The following TRPC3 variants were observed in gnomAD, a reference collection of about 807,000 sequenced individuals.
The protein encoded by TRPC3 is transient receptor potential cation channel subfamily C member 3.
TRPC3 carries 54 observed loss-of-function variants against 90.9 expected under a neutral mutation model. The observed-to-expected ratio is 0.59, with a 90% CI of 0.48 to 0.75. TRPC3 has a LOEUF of 0.75. Among genes scored for constraint, TRPC3 ranks in the 30% least tolerant of loss-of-function variants. The pLI, the probability that TRPC3 is intolerant of heterozygous loss-of-function variation, is 0.00. For missense variants in TRPC3, 918 were observed against 1,194.5 expected (o/e 0.77, Z 3.41); for synonymous variants, 424 against 450.9 (o/e 0.94, Z 0.75).
chr4:121,909,094 T>C (rs1174023508), intron 6 of TRPC3, among the ~76,000 whole-genome samples: 1 of 152,084 alleles, frequency 6.6e-6, no homozygotes, highest in Non-Finnish European at 1.5e-5. Context: ...AATAAATAGG[T>C]TATGAAATGG....
intron 2 of TRPC3, among the ~76,000 whole-genome samples, chr4:121,930,612 C>T (rs1309662109): frequency 6.6e-6 from 1 of 152,004 alleles, no homozygotes. Context: ...AGAAAATATT[C>T]CCTTTTATAG....
Position 121,878,644 on chromosome 4 carries a change from T to C in TRPC3, c.*1092A>G, listed in dbSNP as rs550627620. Among the ~76,000 whole-genome samples, 5 of 152,332 alleles carry C rather than the reference T, an allele frequency of 3.3e-5. No homozygotes were observed. The South Asian group carries it at 1.0e-3, about 32-fold the overall frequency. ...TTATGTAATAAGGCATATGTAGATA[T>C]ATCACAATATATTTTATATAGAAAG... On this transcript the variant is annotated 3_prime_UTR_variant, in exon 12 of 12. Transcript: ENST00000379645.
At chr4:121,899,884 AT>A (rs1560692776) in intron 9 of TRPC3, among the ~76,000 whole-genome samples, 189 bp from the exon 10 acceptor site, 3 of 152,228 alleles carry the variant, frequency 2.0e-5, no homozygotes, top group African/African-American at 7.2e-5. Context: ...ATATGCTCAC[AT>A]TTATCAAAAT....
chr4:121,903,947 TA>T (rs1728794209), intron 8 of TRPC3, among the ~76,000 whole-genome samples: 2 of 152,246 alleles, frequency 1.3e-5, no homozygotes, highest in South Asian at 4.2e-4. Flanking sequence ...TTTGACTGGA[TA>T]AAGAATACCA....
chr4:121,888,353 T>C (rs369091668), intron 10 of TRPC3, among the ~76,000 whole-genome samples: 6 of 152,302 alleles, frequency 3.9e-5, no homozygotes, highest in African/African-American at 1.4e-4. Flanking sequence ...TGCAAAGTCA[T>C]GGCACTAAGT....
intron 8 of TRPC3, among the ~76,000 whole-genome samples, 191 bp downstream of exon 8, chr4:121,904,130 GT>G (rs1560695364): frequency 6.6e-6 from 1 of 152,158 alleles, no homozygotes; most frequent in Non-Finnish European, 1.5e-5. Flanking sequence ...GACCCCTGCT[GT>G]GCACCTAGAA....
intron 10 of TRPC3, among the ~76,000 whole-genome samples, chr4:121,889,490 T>A (rs1407002523): frequency 3.9e-5 from 6 of 152,120 alleles, no homozygotes; most frequent in African/African-American, 1.2e-4. Context: ...ACATCACTAA[T>A]CAACAGAGAA....
In TRPC3 at chr4:121,900,844, G is replaced by A. The variant is rs116288412; in HGVS notation, c.2464-1149C>T. 3.8e-3 allele frequency among the ~76,000 whole-genome samples: 585 copies of A among 152,242 alleles called. 5 individuals carry two copies. The highest frequency in any genetic ancestry group is 5.4e-3 in the Admixed American group (82 of 15,290). On this transcript the variant is annotated intron_variant, in intron 9 of 11. Coordinates refer to ENST00000379645, the MANE Select transcript of TRPC3 (RefSeq NM_001130698.2). ...CCAGATATGGGAAGAGTGGGAAGTC[G>A]AGGAACAAGCCTCCTGAGAGATCAG...
chr4:121,905,430 T>C (rs962126333), intron 7 of TRPC3, among the ~76,000 whole-genome samples: 11 of 152,142 alleles, frequency 7.2e-5, no homozygotes, highest in African/African-American at 2.4e-4. Context: ...CCTTAATTTA[T>C]ATAATGTACT....
At chr4:121,898,248 C>G (rs1306177238) in intron 10 of TRPC3, among the ~76,000 whole-genome samples, 1 of 152,144 alleles carries the variant, frequency 6.6e-6, no homozygotes, top group African/African-American at 2.4e-5. Context: ...GTGTTCTACA[C>G]CAGGAGTCCC....
At chr4:121,912,249 T>G (rs1455916894) in intron 4 of TRPC3, among the ~76,000 whole-genome samples, 156 bp from the exon 5 acceptor site, 2 of 152,198 alleles carry the variant, frequency 1.3e-5, no homozygotes, top group Admixed American at 1.3e-4. Context: ...TATTCTTTTT[T>G]AGGGGAATGC....
At chr4:121,920,487 G>A (rs1729463784) in intron 3 of TRPC3, among the ~76,000 whole-genome samples, 1 of 151,904 alleles carries the variant, frequency 6.6e-6, no homozygotes. Context: ...TCTCGCCACT[G>A]CACTCAAGCC....
chr4:121,902,749 ATCT>A, intron 9 of TRPC3, 100 bp downstream of exon 9: 1 of 856,548 alleles, frequency 1.2e-6, no homozygotes, highest in Non-Finnish European at 1.8e-6. Context: ...TACTTTTAAC[ATCT>A]TCTAAGTTCA....
rs745940383 is a variant in TRPC3 at position 121,912,032 on chromosome 4, A to T, written c.1403T>A (p.Ile468Asn). Reference protein sequence around the residue: ...KFVAHAASFIIFLGLLVFNAS... With the variant: ...KFVAHAASFINFLGLLVFNAS... The stretch of plus-strand genomic sequence containing the variant: ...ATTGAACACAAGCAGACCCAGGAAG[A>T]TGATGAAAGAAGCTGCATGTGCTAC... Residue 468 changes from isoleucine to asparagine, a missense_variant, in exon 5 of 12, where the codon ATC becomes AAC. Ile to Asn is a moderately radical substitution (Grantham distance 149). Transcript: ENST00000379645. 1 of 1,613,902 alleles carries T rather than the reference A, an allele frequency of 6.2e-7. No individual in the cohort carries two copies. Among genetic ancestry groups the T allele is most frequent in the Non-Finnish European group, 8.5e-7 (1 of 1,179,852 alleles).
chr4:121,934,308 A>C (rs1446916401), intron 1 of TRPC3, among the ~76,000 whole-genome samples: 1 of 152,222 alleles, frequency 6.6e-6, no homozygotes, highest in Non-Finnish European at 1.5e-5. Flanking sequence ...ATGCTAAATA[A>C]ACACTTTTAA....
chr4:121,884,807 A>T (rs1281879441), intron 10 of TRPC3, among the ~76,000 whole-genome samples: 1 of 152,196 alleles, frequency 6.6e-6, no homozygotes, highest in East Asian at 1.9e-4. Flanking sequence ...TCATTCATTC[A>T]GCAAATATTT....
chr4:121,927,748 T>A (rs539685761), intron 2 of TRPC3, among the ~76,000 whole-genome samples: 1 of 152,306 alleles, frequency 6.6e-6, no homozygotes, highest in African/African-American at 2.4e-5. Context: ...CAGTTAATCC[T>A]TTTCCCTTCG....
chr4:121,950,077 T>A (rs1307275898), intron 1 of TRPC3, among the ~76,000 whole-genome samples: 1 of 152,200 alleles, frequency 6.6e-6, no homozygotes, highest in African/African-American at 2.4e-5. Flanking sequence ...GGCGCTTTCA[T>A]CCCAAAGGAT....
At chr4:121,934,740 G>A (rs1285489561) in intron 1 of TRPC3, among the ~76,000 whole-genome samples, 1 of 152,138 alleles carries the variant, frequency 6.6e-6, no homozygotes, top group Non-Finnish European at 1.5e-5. Context: ...ACCTACCAGT[G>A]TCCATTCTGT....
Sources: gnomAD v4.1 joint callset for allele counts (sites outside exome capture counted in the v4.1 genomes callset) on GRCh38, gnomAD v4.1.1 for gene constraint, MANE v1.5 for transcripts, NCBI Gene and HGNC (gene_info 2026-07-23, HGNC 2026-07-21) for gene names.